Variants in EIF2B3 observed in about 807,000 individuals in gnomAD.
EIF2B3 encodes eukaryotic translation initiation factor 2B subunit gamma, also known as translation initiation factor eIF2B subunit gamma.
In EIF2B3, 20 loss-of-function variants were observed where a neutral mutation model predicts 54.1. That is an observed-to-expected ratio of 0.37 (90% CI 0.26 to 0.54). The LOEUF is 0.54. Ranked by LOEUF, EIF2B3 falls within the 20% of genes least tolerant of loss-of-function variation. The pLI, the probability that EIF2B3 is intolerant of heterozygous loss-of-function variation, is 0.86. For missense variants in EIF2B3, 448 were observed against 547.8 expected (o/e 0.82, Z 1.82); for synonymous variants, 153 against 188.1 (o/e 0.81, Z 1.52).
chr1:44,947,485 ATG>A (rs1045274866), intron 3 of EIF2B3, among the ~76,000 whole-genome samples: 8 of 151,776 alleles, frequency 5.3e-5, no homozygotes, highest in Non-Finnish European at 1.5e-5. Flanking sequence ...AGAAAACCGG[ATG>A]TGTGTGTGTG....
chr1:44,972,958 T>C (rs1458232141), intron 3 of EIF2B3, among the ~76,000 whole-genome samples: 1 of 152,172 alleles, frequency 6.6e-6, no homozygotes, highest in East Asian at 1.9e-4. Flanking sequence ...GGAGCATCGC[T>C]TGACCCTGGG....
Position 44,874,591 on chromosome 1 carries a change from A to G in EIF2B3, c.1202+87T>C, listed in dbSNP as rs1655059322. 7 of 1,496,842 alleles carry G rather than the reference A, an allele frequency of 4.7e-6. 1 individual carries two copies. Among genetic ancestry groups the G allele is most frequent in the South Asian group, 3.6e-5 (3 of 83,492 alleles). The allele number at this position is 1,496,842 out of a possible 1,614,324, so 92.7% of individuals were successfully genotyped here. On this transcript the variant is annotated intron_variant, in intron 10 of 11. Transcript: ENST00000360403. ...GATTAGCACTTTGCCTGGGTATACAATTTTAGGTTAAAATTAACCTTCCTT... is the reference window on the plus strand; with the variant it reads ...GATTAGCACTTTGCCTGGGTATACAGTTTTAGGTTAAAATTAACCTTCCTT...
intron 11 of EIF2B3, among the ~76,000 whole-genome samples, chr1:44,851,563 T>C (rs74641109): frequency 1.2e-4 from 19 of 152,140 alleles, no homozygotes; most frequent in African/African-American, 4.6e-4. Flanking sequence ...AAAGGGTGAA[T>C]AGTTTCTACA....
At chr1:44,980,970 CA>C in intron 2 of EIF2B3, 50 bp downstream of exon 2, 2 of 1,609,968 alleles carry the variant, frequency 1.2e-6, no homozygotes, top group Non-Finnish European at 1.7e-6. Context: ...TCATGGGGAT[CA>C]AATCTCCTAA....
intron 3 of EIF2B3, among the ~76,000 whole-genome samples, chr1:44,944,251 A>T (rs1644072465): frequency 6.6e-6 from 1 of 152,184 alleles, no homozygotes; most frequent in South Asian, 2.1e-4. Context: ...CCCTTCGTGA[A>T]TCAACCAAGG....
intron 3 of EIF2B3, among the ~76,000 whole-genome samples, chr1:44,975,769 G>A (rs965328770): frequency 2.6e-5 from 4 of 152,076 alleles, no homozygotes; most frequent in Non-Finnish European, 4.4e-5. Flanking sequence ...CTGGGAGCCC[G>A]AGACCAGCCT....
At chr1:44,876,785 C>G (rs1056276920) in intron 8 of EIF2B3, among the ~76,000 whole-genome samples, 2 of 145,014 alleles carry the variant, frequency 1.4e-5, no homozygotes, top group African/African-American at 5.3e-5. Flanking sequence ...ATTGAGAAAT[C>G]GGATGGTTGC....
At chr1:44,969,962 AG>A (rs1392360455) in intron 3 of EIF2B3, 1 of 152,212 alleles carries the variant, frequency 6.6e-6, no homozygotes, top group African/African-American at 2.4e-5. Flanking sequence ...CAGTTGTAAG[AG>A]TGGAGCTCAC....
At position 44,876,105 on chromosome 1, in the gene EIF2B3, G is replaced by C. The variant is rs1252082796; in HGVS notation, c.976-410C>G. On this transcript the variant is annotated intron_variant, in intron 8 of 11. Coordinates refer to ENST00000360403, the MANE Select transcript of EIF2B3 (RefSeq NM_020365.5). ...TCAGTGCTCAATGGTGCCCAGGCTG[G>C]AGTGCAGTGGCGTGATCTCGGCTAG... 3.3e-5 allele frequency among the ~76,000 whole-genome samples: 5 copies of C among 152,196 alleles called. No homozygotes were observed. In the East Asian group the frequency reaches 7.7e-4, roughly 24 times the overall value.
chr1:44,932,091 AAC>A (rs1643901350), intron 4 of EIF2B3, among the ~76,000 whole-genome samples: 1 of 152,002 alleles, frequency 6.6e-6, no homozygotes, highest in Non-Finnish European at 1.5e-5. Context: ...TAGCCTGGAC[AAC>A]AGAGAGAGAC....
At chr1:44,925,839 G>T (rs558162053) in intron 5 of EIF2B3, among the ~76,000 whole-genome samples, 5 of 148,374 alleles carry the variant, frequency 3.4e-5, no homozygotes, top group African/African-American at 1.2e-4. Context: ...CAGGAGAATC[G>T]CTTGAACCTG....
chr1:44,984,504 T>G (rs962874062), intron 1 of EIF2B3, among the ~76,000 whole-genome samples: 1 of 151,630 alleles, frequency 6.6e-6, no homozygotes, highest in African/African-American at 2.4e-5. Context: ...GTTTGAGTCA[T>G]GATTCTGACA....
intron 3 of EIF2B3, among the ~76,000 whole-genome samples, chr1:44,970,557 A>G (rs1644389553): frequency 6.6e-6 from 1 of 152,204 alleles, no homozygotes; most frequent in African/African-American, 2.4e-5. Context: ...AAGAAAAAAC[A>G]TGGGCTTAAA....
intron 11 of EIF2B3, among the ~76,000 whole-genome samples, chr1:44,854,679 C>T (rs57549801): frequency 0.013 from 1,993 of 150,264 alleles, 41 homozygotes; most frequent in African/African-American, 0.046. Context: ...CCTCTGCCTT[C>T]CAGGTTCAGG....
At chr1:44,914,036 G>T (rs1184593763) in intron 5 of EIF2B3, among the ~76,000 whole-genome samples, 3 of 149,608 alleles carry the variant, frequency 2.0e-5, no homozygotes, top group African/African-American at 4.9e-5. Flanking sequence ...TCAGGATGTT[G>T]CCCAGGCTGG....
chr1:44,938,886 G>A (rs1475530392), intron 4 of EIF2B3, among the ~76,000 whole-genome samples: 2 of 151,880 alleles, frequency 1.3e-5, no homozygotes, highest in Admixed American at 6.6e-5. Flanking sequence ...TTGCTTTTGA[G>A]CTCAAGAGTT....
At chr1:44,914,676 T>C (rs1331513600) in intron 5 of EIF2B3, among the ~76,000 whole-genome samples, 1 of 152,172 alleles carries the variant, frequency 6.6e-6, no homozygotes, top group Non-Finnish European at 1.5e-5. Flanking sequence ...CCTTCCTTCC[T>C]TTCTTCCCTC....
intron 3 of EIF2B3, among the ~76,000 whole-genome samples, chr1:44,962,204 A>ACATCATCATCATCATCATCAT (rs113470749): frequency 6.1e-5 from 9 of 146,442 alleles, no homozygotes; most frequent in South Asian, 4.5e-4. Flanking sequence ...ATCATCATCA[A>ACATCATCATCATCATCATCAT]CATCATCATC....
intron 2 of EIF2B3, among the ~76,000 whole-genome samples, 193 bp from the exon 3 acceptor site, chr1:44,978,653 T>A (rs1446357752): frequency 3.4e-5 from 4 of 119,216 alleles, no homozygotes; most frequent in Admixed American, 9.7e-5. Context: ...TTTTTTTTTT[T>A]ACAGACAGGG....
Sources: allele counts gnomAD v4.1 joint callset (sites outside exome capture counted in the v4.1 genomes callset), GRCh38; gene constraint gnomAD v4.1.1; transcripts MANE v1.5; gene names NCBI Gene and HGNC (gene_info 2026-07-23, HGNC 2026-07-21).